Variants in FRAT2 observed in about 807,000 individuals in gnomAD.
The protein encoded by FRAT2 is FRAT regulator of Wnt signaling pathway 2, also known as GSK-3-binding protein FRAT2.
For missense variants in FRAT2, 326 were observed against 340.8 expected (o/e 0.96, Z 0.34); for synonymous variants, 205 against 171.5 (o/e 1.20, Z -1.53).
In FRAT2 at chr10:97,332,514, A is replaced by C. The variant is rs1002299431; in HGVS notation, c.*1357T>G. On this transcript the variant is annotated 3_prime_UTR_variant, in exon 1 of 1. Transcript: ENST00000371019. The stretch of plus-strand genomic sequence containing the variant: ...AACCGTGCTCCAAAACAAAAGCCAA[A>C]TTTATTCAGCAGACATTTTAATTAT... 1.3e-5 allele frequency: 2 copies of C among 151,874 alleles called. No individual in the cohort carries two copies. The highest frequency in any genetic ancestry group is 2.9e-5 in the Non-Finnish European group (2 of 68,002). The allele number at this position is 151,874 out of a possible 1,614,324, so 9.4% of individuals were successfully genotyped here. A position where few individuals can be genotyped will look rare whatever the true frequency, so the allele number is the denominator to read the frequency against.
Position 97,333,814 on chromosome 10 carries a change from A to T in FRAT2, c.*57T>A, listed in dbSNP as rs1843547409. The T allele has an allele frequency of 7.1e-7, 1 of 1,411,602 alleles. No individual in the cohort carries two copies. Among genetic ancestry groups the T allele is most frequent in the Admixed American group, 2.9e-5 (1 of 34,310 alleles). The allele number at this position is 1,411,602 out of a possible 1,614,324, so 87.4% of individuals were successfully genotyped here. A position where few individuals can be genotyped will look rare whatever the true frequency, so the allele number is the denominator to read the frequency against. Reference sequence around the variant, plus strand: ...CGGCTTCAGCTCAGAGTTAGTAGGAACTGGACGCTGTTGGGTCTACGCAGC... The same window carrying T: ...CGGCTTCAGCTCAGAGTTAGTAGGATCTGGACGCTGTTGGGTCTACGCAGC... On this transcript the variant is annotated 3_prime_UTR_variant, in exon 1 of 1. Transcript: ENST00000371019.
Position 97,334,683 on chromosome 10 carries a change from C to A in FRAT2, c.-111G>T. Reference sequence around the variant, plus strand: ...GCAGGGGCGGACGCGGAAGCCGGAGCCCGCCAGGCACTCGAGCCACGCGCC... The same window carrying A: ...GCAGGGGCGGACGCGGAAGCCGGAGACCGCCAGGCACTCGAGCCACGCGCC... On this transcript the variant is annotated 5_prime_UTR_variant, in exon 1 of 1. Transcript: ENST00000371019. The A allele has an allele frequency of 1.6e-6, 2 of 1,227,822 alleles. No individual in the cohort carries two copies. The highest frequency in any genetic ancestry group is 2.1e-6 in the Non-Finnish European group (2 of 965,990). The allele number at this position is 1,227,822 out of a possible 1,614,324, so 76.1% of individuals were successfully genotyped here.
At position 97,333,906 on chromosome 10, in the gene FRAT2, G is replaced by C; in HGVS notation, c.667C>G (p.Arg223Gly). Residue 223 changes from arginine to glycine, a missense_variant, in exon 1 of 1, where the codon CGC becomes GGC. Physicochemically the swap from Arg to Gly is moderately radical, Grantham distance 125. Transcript: ENST00000371019. ...GPGGGRSGPD[R>G]IALQPSGSLL Reference sequence around the variant, plus strand: ...GAGCCTGAGGGCTGCAGGGCAATGCGGTCAGGTCCGCTGCGGCCTCCCCCG... The same window carrying C: ...GAGCCTGAGGGCTGCAGGGCAATGCCGTCAGGTCCGCTGCGGCCTCCCCCG... 6.4e-7 allele frequency: 1 copy of C among 1,566,272 alleles called. No homozygotes were observed. The highest frequency in any genetic ancestry group is 8.6e-7 in the Non-Finnish European group (1 of 1,162,926).
rs1564739978 is a variant in FRAT2 at position 97,333,019 on chromosome 10, G to A, written c.*852C>T. 2 of 151,580 alleles carry A rather than the reference G, an allele frequency of 1.3e-5. No homozygotes were observed. Among genetic ancestry groups the A allele is most frequent in the Non-Finnish European group, 2.9e-5 (2 of 67,846 alleles). The allele number at this position is 151,580 out of a possible 1,614,324, so 9.4% of individuals were successfully genotyped here. On this transcript the variant is annotated 3_prime_UTR_variant, in exon 1 of 1. Coordinates refer to ENST00000371019, the MANE Select transcript of FRAT2 (RefSeq NM_012083.3). Reference sequence around the variant, plus strand: ...TGGCCTTCCGGGAGTCCTGTAAAAAGGAAAGCACAGAAAACAGGAAAGAAC... The same window carrying A: ...TGGCCTTCCGGGAGTCCTGTAAAAAAGAAAGCACAGAAAACAGGAAAGAAC...
At position 97,334,698 on chromosome 10, in the gene FRAT2, A is replaced by G. The variant is rs1482306226; in HGVS notation, c.-126T>C. On this transcript the variant is annotated 5_prime_UTR_variant, in exon 1 of 1. Coordinates refer to ENST00000371019, the MANE Select transcript of FRAT2 (RefSeq NM_012083.3). Reference sequence around the variant, plus strand: ...GAAGCCGGAGCCCGCCAGGCACTCGAGCCACGCGCCTGCAGCCGCTGGAGC... The same window carrying G: ...GAAGCCGGAGCCCGCCAGGCACTCGGGCCACGCGCCTGCAGCCGCTGGAGC... The G allele has an allele frequency of 1.7e-6, 2 of 1,147,442 alleles. No individual in the cohort carries two copies. Among genetic ancestry groups the G allele is most frequent in the African/African-American group, 1.6e-5 (1 of 61,946 alleles). 71.1% of individuals were successfully genotyped at this position (1,147,442 alleles called of 1,614,324 possible).
Position 97,332,628 on chromosome 10 carries a change from T to G in FRAT2, c.*1243A>C, listed in dbSNP as rs1252948565. ...CTACATCTGGAGGATGAACAAGCCA[T>G]TGAATCTTTTAAAAATTGGTTTAGC... On this transcript the variant is annotated 3_prime_UTR_variant, in exon 1 of 1. Transcript: ENST00000371019. 6.6e-6 allele frequency: 1 copy of G among 152,212 alleles called. No homozygotes were observed. The highest frequency in any genetic ancestry group is 1.5e-5 in the Non-Finnish European group (1 of 68,044). The allele number at this position is 152,212 out of a possible 1,614,324, so 9.4% of individuals were successfully genotyped here. A position where few individuals can be genotyped will look rare whatever the true frequency, so the allele number is the denominator to read the frequency against.
At position 97,333,887 on chromosome 10, in the gene FRAT2, G is replaced by A; in HGVS notation, c.686C>T (p.Ser229Leu). ...AGGCCTGCGTCAGAGCAAGGAGCCT[G>A]AGGGCTGCAGGGCAATGCGGTCAGG... ...SGPDRIALQP[S>L]GSLL The change falls in exon 1 of 1, where the codon TCA (serine) becomes TTA (leucine). Residue 229 changes from serine (S) to leucine (L), a missense_variant. Coordinates refer to ENST00000371019, the MANE Select transcript of FRAT2 (RefSeq NM_012083.3). 6.5e-7 allele frequency: 1 copy of A among 1,543,038 alleles called. No homozygotes were observed. The highest frequency in any genetic ancestry group is 8.7e-7 in the Non-Finnish European group (1 of 1,150,484).
In FRAT2 at chr10:97,333,860, G is replaced by A; in HGVS notation, c.*11C>T. 1 of 1,492,144 alleles carries A rather than the reference G, an allele frequency of 6.7e-7. No homozygotes were observed. The highest frequency in any genetic ancestry group is 8.9e-7 in the Non-Finnish European group (1 of 1,123,946). 92.4% of individuals were successfully genotyped at this position (1,492,144 alleles called of 1,614,324 possible). On this transcript the variant is annotated 3_prime_UTR_variant, in exon 1 of 1. Coordinates refer to ENST00000371019, the MANE Select transcript of FRAT2 (RefSeq NM_012083.3). ...GCAGCGGCCTCCACTTCCTCCTCCAGGAGGCCTGCGTCAGAGCAAGGAGCC... is the reference window on the plus strand; with the variant it reads ...GCAGCGGCCTCCACTTCCTCCTCCAAGAGGCCTGCGTCAGAGCAAGGAGCC...
chr10:97,333,412 T>C lies in FRAT2; in HGVS notation c.*459A>G, dbSNP rs1282228457. 1.3e-5 allele frequency: 2 copies of C among 156,308 alleles called. No homozygotes were observed. Among genetic ancestry groups the C allele is most frequent in the African/African-American group, 4.8e-5 (2 of 41,624 alleles). The allele number at this position is 156,308 out of a possible 1,614,324, so 9.7% of individuals were successfully genotyped here. ...CTGGAATTTCTTTGCACAGCAATTGTAGCACCACTTACTAAGCTCCTCCAC... is the reference window on the plus strand; with the variant it reads ...CTGGAATTTCTTTGCACAGCAATTGCAGCACCACTTACTAAGCTCCTCCAC... On this transcript the variant is annotated 3_prime_UTR_variant, in exon 1 of 1. Transcript: ENST00000371019.
chr10:97,334,117 C>T lies in FRAT2; in HGVS notation c.456G>A (p.Ala152=). 3 of 1,570,030 alleles carry T rather than the reference C, an allele frequency of 1.9e-6. No homozygotes were observed. The highest frequency in any genetic ancestry group is 1.8e-5 in the Admixed American group (1 of 56,022). Reference sequence around the variant, plus strand: ...GCTGCTGCAAGCGGCGGGAGGTGACCGCGTCCCTGAGCCATCCTCGCCGGC... The same window carrying T: ...GCTGCTGCAAGCGGCGGGAGGTGACTGCGTCCCTGAGCCATCCTCGCCGGC... The part of the protein sequence containing the change: ...GPCRRGWLRD[A]VTSRRLQQRR... Residue 152 remains alanine, a synonymous_variant, in exon 1 of 1, where the codon GCG becomes GCA. Coordinates refer to ENST00000371019, the MANE Select transcript of FRAT2 (RefSeq NM_012083.3).
chr10:97,333,692 C>T lies in FRAT2; in HGVS notation c.*179G>A, dbSNP rs528296859. 43 of 599,076 alleles carry T rather than the reference C, an allele frequency of 7.2e-5. No individual in the cohort carries two copies. The highest frequency in any genetic ancestry group is 5.3e-4 in the East Asian group (16 of 30,296). The allele number at this position is 599,076 out of a possible 1,614,324, so 37.1% of individuals were successfully genotyped here. A position where few individuals can be genotyped will look rare whatever the true frequency, so the allele number is the denominator to read the frequency against. On this transcript the variant is annotated 3_prime_UTR_variant, in exon 1 of 1. Coordinates refer to ENST00000371019, the MANE Select transcript of FRAT2 (RefSeq NM_012083.3). ...ATACATTTCTCCACGCTTAAGTTTT[C>T]TCCGACGGCCTCGCCGCGGCTGGTA...
Position 97,332,902 on chromosome 10 carries a change from G to A in FRAT2, c.*969C>T, listed in dbSNP as rs1843539251. On this transcript the variant is annotated 3_prime_UTR_variant, in exon 1 of 1. Transcript: ENST00000371019. ...TGCATTCCTATAGACACCAGAAAGG[G>A]TGGAATAAGAAAGCTCAGCTGGGAG... The A allele has an allele frequency of 6.6e-6, 1 of 152,258 alleles. No homozygotes were observed. Among genetic ancestry groups the A allele is most frequent in the Non-Finnish European group, 1.5e-5 (1 of 68,078 alleles). 9.4% of individuals were successfully genotyped at this position (152,258 alleles called of 1,614,324 possible). A position where few individuals can be genotyped will look rare whatever the true frequency, so the allele number is the denominator to read the frequency against.
Position 97,332,557 on chromosome 10 carries a change from GACC to G in FRAT2, c.*1311_*1313del, listed in dbSNP as rs952918708. The G allele has an allele frequency of 2.6e-5, 4 of 152,068 alleles. No individual in the cohort carries two copies. The highest frequency in any genetic ancestry group is 7.3e-5 in the African/African-American group (3 of 41,376). The allele number at this position is 152,068 out of a possible 1,614,324, so 9.4% of individuals were successfully genotyped here. The stretch of plus-strand genomic sequence containing the variant: ...TTAATTATGAAATCCTATAAATCAG[GACC>G]ACCACAATTTCAGACACTCCGTTGC... On this transcript the variant is annotated 3_prime_UTR_variant, in exon 1 of 1. Transcript: ENST00000371019.
rs1843549619 is a variant in FRAT2 at position 97,333,952 on chromosome 10, G to A, written c.621C>T (p.Gly207=). ...CCCCGGGCCCAGGGGCGCTTGCGGG[G>A]CCCGTGGCTGCAACCGCGGCGACGG... The part of the protein sequence containing the change: ...QRAVAAVAAT[G]PASAPGPGGG... Residue 207 remains glycine (G), a synonymous_variant, in exon 1 of 1, where the codon GGC becomes GGT. Coordinates refer to ENST00000371019, the MANE Select transcript of FRAT2 (RefSeq NM_012083.3). 1.3e-6 allele frequency: 2 copies of A among 1,576,622 alleles called. No individual in the cohort carries two copies. Among genetic ancestry groups the A allele is most frequent in the Non-Finnish European group, 1.7e-6 (2 of 1,168,818 alleles).
At position 97,334,304 on chromosome 10, in the gene FRAT2, G is replaced by C. The variant is rs909251895; in HGVS notation, c.269C>G (p.Ala90Gly). ...AVPADKARPP[A>G]VPLLLPPASA... Reference sequence around the variant, plus strand: ...AGCGGGCGGCAGCAGCAGCGGCACCGCCGGGGGCCGGGCCTTGTCCGCCGG... The same window carrying C: ...AGCGGGCGGCAGCAGCAGCGGCACCCCCGGGGGCCGGGCCTTGTCCGCCGG... The change falls in exon 1 of 1, where the codon GCG becomes GGG. Residue 90 changes from alanine (A) to glycine (G), a missense_variant. Transcript: ENST00000371019. 2.7e-6 allele frequency: 3 copies of C among 1,131,076 alleles called. No homozygotes were observed. The highest frequency in any genetic ancestry group is 3.3e-5 in the African/African-American group (2 of 60,484). The allele number at this position is 1,131,076 out of a possible 1,614,324, so 70.1% of individuals were successfully genotyped here.
chr10:97,333,905 C>G lies in FRAT2; in HGVS notation c.668G>C (p.Arg223Pro). 1.3e-6 allele frequency: 2 copies of G among 1,562,998 alleles called. No individual in the cohort carries two copies. The highest frequency in any genetic ancestry group is 2.3e-5 in the South Asian group (2 of 85,954). ...GGAGCCTGAGGGCTGCAGGGCAATG[C>G]GGTCAGGTCCGCTGCGGCCTCCCCC... ...GPGGGRSGPD[R>P]IALQPSGSLL Residue 223 changes from arginine (R) to proline (P), a missense_variant, in exon 1 of 1, where the codon CGC (arginine) becomes CCC (proline). Transcript: ENST00000371019.
chr10:97,333,311 C>T lies in FRAT2; in HGVS notation c.*560G>A, dbSNP rs1202062138. The T allele has an allele frequency of 6.6e-6, 1 of 152,280 alleles. No individual in the cohort carries two copies. The highest frequency in any genetic ancestry group is 1.5e-5 in the Non-Finnish European group (1 of 68,078). The allele number at this position is 152,280 out of a possible 1,614,324, so 9.4% of individuals were successfully genotyped here. A position where few individuals can be genotyped will look rare whatever the true frequency, so the allele number is the denominator to read the frequency against. ...AATTGGAGTTCACATCTCCCACCTT[C>T]ACCAGCCACCGAATCGGTGGGAAAA... On this transcript the variant is annotated 3_prime_UTR_variant, in exon 1 of 1. Coordinates refer to ENST00000371019, the MANE Select transcript of FRAT2 (RefSeq NM_012083.3).
At position 97,333,108 on chromosome 10, in the gene FRAT2, C is replaced by A. The variant is rs1403196719; in HGVS notation, c.*763G>T. On this transcript the variant is annotated 3_prime_UTR_variant, in exon 1 of 1. Coordinates refer to ENST00000371019, the MANE Select transcript of FRAT2 (RefSeq NM_012083.3). ...GGAGACTCCAAGCGGTGGTAAAGCA[C>A]CAACAGGGCTCTTCTTGGAGCAAGA... 6.6e-6 allele frequency: 1 copy of A among 152,186 alleles called. No individual in the cohort carries two copies. The highest frequency in any genetic ancestry group is 2.4e-5 in the African/African-American group (1 of 41,428). 9.4% of individuals were successfully genotyped at this position (152,186 alleles called of 1,614,324 possible).
rs556881302 is a variant in FRAT2 at position 97,334,216 on chromosome 10, G to T, written c.357C>A (p.Gly119=). The T allele has an allele frequency of 3.8e-4, 473 of 1,258,870 alleles. No individual in the cohort carries two copies. The highest frequency in any genetic ancestry group is 2.7e-3 in the African/African-American group (173 of 63,710). The allele number at this position is 1,258,870 out of a possible 1,614,324, so 78.0% of individuals were successfully genotyped here. ...AGGGCGCAGCGCGTCCGCGCACGCG[G>T]CCGCGGTCCCCTAGGGCGCAGCGCA... ...GALRCALGDR[G]RVRGRAAPYC... is the part of the protein sequence containing the mutation. Residue 119 remains glycine, a synonymous_variant, in exon 1 of 1, where the codon GGC becomes GGA. Transcript: ENST00000371019.
Sources: gnomAD v4.1 joint callset for allele counts on GRCh38, gnomAD v4.1.1 for gene constraint, MANE v1.5 for transcripts, NCBI Gene and HGNC (gene_info 2026-07-23, HGNC 2026-07-21) for gene names.